PTPRD: variants seen among roughly 807,000 people sequenced by gnomAD.
PTPRD encodes the protein receptor-type tyrosine-protein phosphatase delta.
A neutral mutation model predicts 214.5 loss-of-function variants in PTPRD; 34 were observed. That is an observed-to-expected ratio of 0.16 (90% CI 0.12 to 0.21). The LOEUF (loss-of-function observed/expected upper bound fraction) is 0.21. PTPRD is among the 10% of genes least tolerant of loss of function. The pLI, the probability that PTPRD is intolerant of heterozygous loss-of-function variation, is 1.00. For synonymous variants in PTPRD, 1,128 were observed against 845.7 expected, an observed-to-expected ratio of 1.33 and a Z score of -5.79; for missense variants, 2,545 against 2,398.7, an observed-to-expected ratio of 1.06 and a Z score of -1.27.
At chr9:10,437,364 G>C (rs1020130280) in intron 2 of PTPRD, among the ~76,000 whole-genome samples, 1 of 151,802 alleles carries the variant, frequency 6.6e-6, no homozygotes, top group African/African-American at 2.4e-5. Flanking sequence ...TTTCCCTCCT[G>C]AGTTTCCAGA....
chr9:8,795,414 C>T (rs2096383521), intron 11 of PTPRD, among the ~76,000 whole-genome samples: 1 of 152,084 alleles, frequency 6.6e-6, no homozygotes. Flanking sequence ...GCAATTCGCC[C>T]ACCTCAGCCT....
chr9:8,453,225 G>T (rs942232092), intron 33 of PTPRD, among the ~76,000 whole-genome samples: 1 of 152,142 alleles, frequency 6.6e-6, no homozygotes, highest in African/African-American at 2.4e-5. Context: ...GTGCAGTGGT[G>T]CGATCTCGGC....
intron 2 of PTPRD, among the ~76,000 whole-genome samples, chr9:10,387,231 T>A (rs2097932883): frequency 6.6e-6 from 1 of 151,728 alleles, no homozygotes; most frequent in African/African-American, 2.4e-5. Context: ...ATAGCAGCAA[T>A]AGGAAACTAA....
chr9:8,768,058 G>A (rs982034901), intron 11 of PTPRD, among the ~76,000 whole-genome samples: 2 of 152,138 alleles, frequency 1.3e-5, no homozygotes, highest in Admixed American at 6.6e-5. Context: ...GGGTCTGGAA[G>A]AACAAAGACA....
chr9:8,757,604 CATATAT>C (rs1381298772), intron 11 of PTPRD, among the ~76,000 whole-genome samples: 1 of 146,502 alleles, frequency 6.8e-6, no homozygotes, highest in Non-Finnish European at 1.5e-5. Flanking sequence ...TAGAATTCTG[CATATAT>C]ATAAATTCTG....
chr9:10,143,521 A>G (rs1416403370), intron 3 of PTPRD, among the ~76,000 whole-genome samples: 1 of 152,056 alleles, frequency 6.6e-6, no homozygotes, highest in Non-Finnish European at 1.5e-5. Flanking sequence ...AAGAACTAAG[A>G]GTTGAACTGC....
intron 3 of PTPRD, among the ~76,000 whole-genome samples, chr9:10,284,778 A>AGG (rs1372632950): frequency 6.8e-6 from 1 of 146,488 alleles, no homozygotes. Flanking sequence ...CAAGGCCAGG[A>AGG]GGAGAGAGAG....
chr9:8,757,893 C>T (rs995760862), intron 11 of PTPRD, among the ~76,000 whole-genome samples: 2 of 152,076 alleles, frequency 1.3e-5, no homozygotes, highest in Non-Finnish European at 2.9e-5. Context: ...GGATCTCTAT[C>T]TATATAAAAC....
intron 9 of PTPRD, among the ~76,000 whole-genome samples, chr9:9,378,817 T>A (rs2061448111): frequency 2.0e-5 from 3 of 152,122 alleles, no homozygotes; most frequent in African/African-American, 7.2e-5. Context: ...TCTTCTTTGC[T>A]GATGTATCCC....
At chr9:10,542,365 A>G (rs1194156754) in intron 2 of PTPRD, among the ~76,000 whole-genome samples, 2 of 152,188 alleles carry the variant, frequency 1.3e-5, no homozygotes, top group Non-Finnish European at 2.9e-5. Flanking sequence ...TAAGGATTTA[A>G]AGAAAAGTAC....
intron 8 of PTPRD, among the ~76,000 whole-genome samples, chr9:9,561,968 C>A (rs527488647): frequency 6.6e-6 from 1 of 152,254 alleles, no homozygotes; most frequent in South Asian, 2.1e-4. Context: ...CACCAACATT[C>A]ACTTTTTTAA....
At chr9:9,649,457 C>T (rs1255858357) in intron 7 of PTPRD, among the ~76,000 whole-genome samples, 2 of 151,976 alleles carry the variant, frequency 1.3e-5, no homozygotes, top group African/African-American at 2.4e-5. Context: ...TGGAAAGAAA[C>T]ACTGGGAAAT....
At chr9:9,598,076 G>A (rs887896103) in intron 7 of PTPRD, among the ~76,000 whole-genome samples, 20 of 151,922 alleles carry the variant, frequency 1.3e-4, no homozygotes, top group East Asian at 1.9e-4. Context: ...TGGGCAAACT[G>A]CACACAGTTA....
At chr9:10,342,568 T>TA (rs1222745935) in intron 2 of PTPRD, among the ~76,000 whole-genome samples, 3 of 152,106 alleles carry the variant, frequency 2.0e-5, no homozygotes, top group East Asian at 1.9e-4. Context: ...TTATTTGAAT[T>TA]AATCTAAAAA....
chr9:8,622,456 C>T (rs558204744), intron 14 of PTPRD, among the ~76,000 whole-genome samples: 1 of 151,938 alleles, frequency 6.6e-6, no homozygotes, highest in East Asian at 1.9e-4. Flanking sequence ...AAGGTGTAAG[C>T]TGAATTACTG....
intron 3 of PTPRD, among the ~76,000 whole-genome samples, chr9:10,226,491 G>A (rs999652034): frequency 1.3e-5 from 2 of 152,060 alleles, no homozygotes; most frequent in African/African-American, 4.8e-5. Flanking sequence ...CAGAGAGGCT[G>A]CATGAGGTGA....
intron 11 of PTPRD, among the ~76,000 whole-genome samples, chr9:8,928,730 G>C (rs1487169976): frequency 6.6e-6 from 1 of 151,986 alleles, no homozygotes; most frequent in Non-Finnish European, 1.5e-5. Flanking sequence ...CTGTGAAGAA[G>C]GTCAATGGTA....
rs184854314 is a variant in PTPRD at position 9,150,868 on chromosome 9, C to T, written c.-143+32436G>A. Among the ~76,000 whole-genome samples the T allele has an allele frequency of 2.5e-3, 382 of 152,254 alleles. 2 individuals carry two copies. The highest frequency in any genetic ancestry group is 6.8e-3 in the Middle Eastern group (2 of 294). ...GTGTGTTTGATAAAACAAGTAAGTT[C>T]AGTTAAATTTTCCTTGGGGCGGCCT... On this transcript the variant is annotated intron_variant, in intron 10 of 45. Coordinates refer to ENST00000381196, the MANE Select transcript of PTPRD (RefSeq NM_002839.4).
At chr9:9,805,708 T>A (rs2099068807) in intron 5 of PTPRD, among the ~76,000 whole-genome samples, 1 of 152,150 alleles carries the variant, frequency 6.6e-6, no homozygotes, top group Non-Finnish European at 1.5e-5. Flanking sequence ...AAAAAGCAAT[T>A]TGGTTGAAAT....
Sources: allele counts gnomAD v4.1 joint callset (sites outside exome capture counted in the v4.1 genomes callset), GRCh38; gene constraint gnomAD v4.1.1; transcripts MANE v1.5; gene names NCBI Gene and HGNC (gene_info 2026-07-23, HGNC 2026-07-21).